Variants in SHANK2 observed in about 807,000 individuals in gnomAD.
The protein encoded by SHANK2 is SH3 and multiple ankyrin repeat domains 2.
In SHANK2, 43 loss-of-function variants were observed where a neutral mutation model predicts 133.7. The observed-to-expected ratio is 0.32, with a 90% CI of 0.25 to 0.41. SHANK2 has a LOEUF of 0.41. Ranked by LOEUF, SHANK2 falls within the 10% of genes least tolerant of loss-of-function variation. The probability of loss-of-function intolerance (pLI) is 1.00; values close to 1 mark genes in which losing one functional copy is unlikely to be tolerated. For missense variants in SHANK2, 1,994 were observed against 2,235.8 expected (o/e 0.89, Z 2.18); for synonymous variants, 1,017 against 952.8 (o/e 1.07, Z -1.24).
chr11:71,085,972 TATATTATGTTATATATTATATTA>T (rs1951396939), intron 8 of SHANK2, among the ~76,000 whole-genome samples: 1 of 39,034 alleles, frequency 2.6e-5, no homozygotes, highest in South Asian at 1.0e-3. Flanking sequence ...ATATATTATA[TATATTATGTTATATATTATATTA>T]TGTTATATAT....
intron 1 of SHANK2, among the ~76,000 whole-genome samples, chr11:71,244,132 C>T (rs1954929511): frequency 6.6e-6 from 1 of 152,218 alleles, no homozygotes; most frequent in Admixed American, 6.5e-5. Context: ...TGCAAGCCTG[C>T]CTCACTCTAT....
intron 10 of SHANK2, among the ~76,000 whole-genome samples, chr11:70,947,346 C>T (rs1011584816): frequency 2.1e-5 from 3 of 140,542 alleles, no homozygotes; most frequent in African/African-American, 7.7e-5. Context: ...AAGTAACTGA[C>T]ATCTACATTT....
chr11:70,485,982 T>G lies in SHANK2; in HGVS notation c.4311A>C (p.Leu1437Phe), dbSNP rs377603664. 1 of 1,613,730 alleles carries G rather than the reference T, an allele frequency of 6.2e-7. No homozygotes were observed. The highest frequency in any genetic ancestry group is 1.3e-5 in the African/African-American group (1 of 74,876). Residue 1437 changes from leucine (L) to phenylalanine (F), a missense_variant, in exon 25 of 26, where the codon TTA (leucine) becomes TTC (phenylalanine). This residue lies in a region of SHANK2 where 797 missense variants were observed against 907.4 expected (regional missense o/e 0.88). Transcript: ENST00000601538. This position sits in a 1 kb window ranked among gnomAD's most constrained non-coding sequence, Gnocchi z 5.8. ...GGGTGTCGCTTTTCTTCTGCTTCAC[T>G]AAGTCTGAGAGAGCCGGGACAGAAG... ...RAASVPALSD[L>F]VKQKKSDTPQ...
At chr11:71,111,091 G>A (rs1555099131) in intron 5 of SHANK2, among the ~76,000 whole-genome samples, 1 of 152,148 alleles carries the variant, frequency 6.6e-6, no homozygotes, top group Non-Finnish European at 1.5e-5. Flanking sequence ...CTCCAAAATG[G>A]TGAGAGTCAC....
At position 70,651,036 on chromosome 11, in the gene SHANK2, G is replaced by A. The variant is rs549431789; in HGVS notation, c.2061+8792C>T. Among the ~76,000 whole-genome samples, 4 of 152,166 alleles carry A rather than the reference G, an allele frequency of 2.6e-5. No individual in the cohort carries two copies. In the South Asian group the frequency reaches 8.3e-4, roughly 31 times the overall value. On this transcript the variant is annotated intron_variant, in intron 17 of 25. Coordinates refer to ENST00000601538, the MANE Select transcript of SHANK2 (RefSeq NM_012309.5). ...TTTATTTACAGTTCAAGAAACTGAG[G>A]CCAAGAAATGAGCAACCTGCCCAAG...
intron 11 of SHANK2, among the ~76,000 whole-genome samples, chr11:70,833,006 C>T (rs529480270): frequency 2.0e-5 from 3 of 152,082 alleles, no homozygotes; most frequent in South Asian, 2.1e-4. Flanking sequence ...GCGTCCTCAG[C>T]GTCCTCACTG....
chr11:70,560,087 G>T (rs1203873116), intron 17 of SHANK2, among the ~76,000 whole-genome samples: 1 of 152,008 alleles, frequency 6.6e-6, no homozygotes, highest in Non-Finnish European at 1.5e-5. Flanking sequence ...GACCAGGCTG[G>T]TCTCGAACTC....
At chr11:71,246,904 TAATATA>T (rs1343189669) in intron 1 of SHANK2, among the ~76,000 whole-genome samples, 3 of 152,184 alleles carry the variant, frequency 2.0e-5, no homozygotes, top group Non-Finnish European at 2.9e-5. Context: ...TAAAAATCTG[TAATATA>T]TTTATAGTTT....
intron 11 of SHANK2, chr11:70,826,852 G>C (rs1025874219): frequency 4.7e-6 from 1 of 212,248 alleles, no homozygotes; most frequent in Non-Finnish European, 9.7e-6. Context: ...CGCGGATCAG[G>C]CGTCCTCGAG....
intron 17 of SHANK2, among the ~76,000 whole-genome samples, chr11:70,544,897 C>T (rs376127386): frequency 1.3e-5 from 2 of 152,246 alleles, no homozygotes; most frequent in African/African-American, 2.4e-5. Flanking sequence ...TCTGAGCCCA[C>T]GTGAGCACCA....
At chr11:71,200,411 C>T (rs1039793152) in intron 2 of SHANK2, among the ~76,000 whole-genome samples, 2 of 152,238 alleles carry the variant, frequency 1.3e-5, no homozygotes, top group South Asian at 2.1e-4. Flanking sequence ...ATAAATAACG[C>T]TGCCATGAGC....
At chr11:71,118,779 AT>A in intron 4 of SHANK2, 49 bp downstream of exon 4, 1 of 1,450,898 alleles carries the variant, frequency 6.9e-7, no homozygotes, top group Non-Finnish European at 9.2e-7. Flanking sequence ...CCACCATGGC[AT>A]CCAGGCTGTG....
intron 14 of SHANK2, among the ~76,000 whole-genome samples, chr11:70,780,648 A>T (rs1555044934): frequency 1.4e-5 from 2 of 146,456 alleles, no homozygotes; most frequent in East Asian, 4.0e-4. Context: ...GTCTCGGCTC[A>T]CTGCAACCTC....
At chr11:70,577,562 A>T (rs979626727) in intron 17 of SHANK2, among the ~76,000 whole-genome samples, 3 of 152,040 alleles carry the variant, frequency 2.0e-5, no homozygotes, top group Non-Finnish European at 4.4e-5. Flanking sequence ...CACTGCTGCT[A>T]CTCCTTTTGC....
chr11:70,902,242 C>T (rs548971622), intron 10 of SHANK2, among the ~76,000 whole-genome samples: 2 of 152,374 alleles, frequency 1.3e-5, no homozygotes, highest in South Asian at 4.1e-4. Flanking sequence ...ATTCTCACTT[C>T]CGTATCTGCT....
Position 70,501,949 on chromosome 11 carries a change from A to T in SHANK2, c.2279-18T>A. On this transcript the variant is annotated intron_variant, in intron 19 of 25. Transcript: ENST00000601538. Reference sequence around the variant, plus strand: ...TTTATCCACTAGTGAGAGGCCCAAAAATTCAAAACAAAACAATGTTAGATA... The same window carrying T: ...TTTATCCACTAGTGAGAGGCCCAAATATTCAAAACAAAACAATGTTAGATA... 1 of 1,556,436 alleles carries T rather than the reference A, an allele frequency of 6.4e-7. No individual in the cohort carries two copies. Among genetic ancestry groups the T allele is most frequent in the Non-Finnish European group, 8.7e-7 (1 of 1,149,284 alleles).
chr11:70,684,463 G>T (rs1227937361), intron 15 of SHANK2, among the ~76,000 whole-genome samples: 1 of 152,150 alleles, frequency 6.6e-6, no homozygotes. Context: ...GGGAGGCTGA[G>T]GTGGGAGGAT....
intron 12 of SHANK2, among the ~76,000 whole-genome samples, chr11:70,819,556 C>T (rs575936667): frequency 2.9e-4 from 44 of 152,300 alleles, no homozygotes; most frequent in African/African-American, 1.1e-3. Context: ...ATCCAGCTCC[C>T]CTGGCTGCTT....
chr11:70,924,069 C>G (rs1555081122), intron 10 of SHANK2, among the ~76,000 whole-genome samples: 1 of 152,138 alleles, frequency 6.6e-6, no homozygotes, highest in African/African-American at 2.4e-5. Flanking sequence ...ACACAGAAAC[C>G]AATACCATCA....
Sources: gnomAD v4.1 joint callset for allele counts (sites outside exome capture counted in the v4.1 genomes callset) on GRCh38, gnomAD v4.1.1 for gene constraint, gnomAD v4.1.1 regional missense constraint, Gnocchi (gnomAD v3.1) non-coding constraint, MANE v1.5 for transcripts, NCBI Gene and HGNC (gene_info 2026-07-23, HGNC 2026-07-21) for gene names.